Variants in TJP1 observed in about 807,000 individuals in gnomAD.
TJP1 encodes the protein tight junction protein ZO-1.
Under a neutral mutation model 194.2 loss-of-function variants are expected in TJP1, and 43 were observed. That is an observed-to-expected ratio of 0.22 (90% CI 0.17 to 0.29). The LOEUF (loss-of-function observed/expected upper bound fraction) is 0.29. Among genes scored for constraint, TJP1 ranks in the 10% least tolerant of loss-of-function variants. The probability of loss-of-function intolerance (pLI) is 1.00; values close to 1 mark genes in which losing one functional copy is unlikely to be tolerated. For synonymous variants in TJP1, 801 were observed against 779.0 expected (o/e 1.03, Z -0.47); for missense variants, 1,971 against 2,185.7 (o/e 0.90, Z 1.96).
Position 29,708,996 on chromosome 15 carries a change from G to A in TJP1, c.4413C>T (p.Ser1471=). ...TCTGAGATGGAGGTGGGTCTGGTTT[G>A]GACACTAAGGAATTCTGAAAATCCA... ...VSLDFQNSLV[S]KPDPPPSQNK... Residue 1471 remains serine (S), a synonymous_variant, in exon 25 of 28, where the codon TCC becomes TCT. Transcript: ENST00000614355. The A allele has an allele frequency of 6.2e-7, 1 of 1,613,358 alleles. No individual in the cohort carries two copies. The highest frequency in any genetic ancestry group is 1.3e-5 in the African/African-American group (1 of 74,966).
chr15:29,738,527 GTA>G (rs1258715064), intron 10 of TJP1, among the ~76,000 whole-genome samples: 3 of 152,050 alleles, frequency 2.0e-5, no homozygotes, highest in African/African-American at 7.2e-5. Flanking sequence ...AGTCATAAAA[GTA>G]AGAGCCTGAG....
intron 2 of TJP1, among the ~76,000 whole-genome samples, chr15:29,785,387 T>C (rs1391919706): frequency 6.6e-6 from 1 of 152,224 alleles, no homozygotes; most frequent in Non-Finnish European, 1.5e-5. Flanking sequence ...GCTTTTGCAC[T>C]GAACAGTTCC....
At chr15:29,949,634 A>ACCT (rs2055535738) in intron 2 of TJP1, among the ~76,000 whole-genome samples, 1 of 92,730 alleles carries the variant, frequency 1.1e-5, no homozygotes, top group Non-Finnish European at 2.1e-5. Context: ...CTCCACCTCC[A>ACCT]CCACCTCCAC....
intron 21 of TJP1, 32 bp downstream of exon 21, chr15:29,718,234 C>T: frequency 6.2e-7 from 1 of 1,601,664 alleles, no homozygotes; most frequent in Non-Finnish European, 8.5e-7. Context: ...AACGGTGTGC[C>T]CATGCATCCA....
chr15:29,890,266 C>T (rs903749899), intron 2 of TJP1, among the ~76,000 whole-genome samples: 20 of 152,206 alleles, frequency 1.3e-4, no homozygotes, highest in Admixed American at 5.2e-4. Flanking sequence ...GATTGTTATA[C>T]ATAATTTGAA....
intron 1 of TJP1, among the ~76,000 whole-genome samples, chr15:29,809,473 T>C (rs2049335829): frequency 6.6e-6 from 1 of 152,162 alleles, no homozygotes. Context: ...ATGGGGGACC[T>C]CATATGCCTA....
intron 2 of TJP1, among the ~76,000 whole-genome samples, chr15:29,930,889 T>C (rs1287400105): frequency 6.6e-6 from 1 of 152,160 alleles, no homozygotes. Context: ...GAAAATACAA[T>C]AGTCAGTTAC....
At position 29,705,760 on chromosome 15, in the gene TJP1, A is replaced by T. The variant is rs369955523; in HGVS notation, c.4851-15T>A. The T allele has an allele frequency of 6.2e-6, 10 of 1,612,070 alleles. No individual in the cohort carries two copies. In the African/African-American group the frequency reaches 1.3e-4, roughly 22 times the overall value. On this transcript the variant is annotated splice_polypyrimidine_tract_variant and intron_variant, in intron 25 of 27. Transcript: ENST00000614355. ...CAGCTGAAGGACTGAAAGTTCAGAA[A>T]TGGCTAGTGAGTGAATTCCTAATAA...
rs2050416634 is a variant in TJP1, at chr15:29,822,035, T to C, written c.-7A>G. The stretch of plus-strand genomic sequence containing the variant: ...CCGCAGCTCTGGCGGACATCTTGTC[T>C]CTCTCCAGCGCCGCGCGAGGCTCCT... On this transcript the variant is annotated 5_prime_UTR_variant, in exon 1 of 28. Transcript: ENST00000614355. The C allele has an allele frequency of 3.0e-6, 4 of 1,348,444 alleles. No homozygotes were observed. The highest frequency in any genetic ancestry group is 3.8e-6 in the Non-Finnish European group (4 of 1,046,802). 83.5% of individuals were successfully genotyped at this position (1,348,444 alleles called of 1,614,324 possible). A position where few individuals can be genotyped will look rare whatever the true frequency, so the allele number is the denominator to read the frequency against.
chr15:29,820,688 C>A, intron 1 of TJP1: 3 of 604,110 alleles, frequency 5.0e-6, no homozygotes, highest in South Asian at 2.1e-5. Flanking sequence ...GGAAAGAAAG[C>A]CCCAGAAAAG....
chr15:29,908,859 A>G (rs1393401317), intron 2 of TJP1, among the ~76,000 whole-genome samples: 1 of 152,028 alleles, frequency 6.6e-6, no homozygotes, highest in Non-Finnish European at 1.5e-5. Context: ...TCCCTACTAA[A>G]TATAGAAAAA....
chr15:29,949,593 CAA>C (rs2055520289), intron 2 of TJP1, among the ~76,000 whole-genome samples: 2 of 124,968 alleles, frequency 1.6e-5, no homozygotes, highest in African/African-American at 2.9e-5. Flanking sequence ...TCCACCTCCA[CAA>C]CCACCACCTC....
chr15:29,702,447 G>A (rs1369953994), intron 27 of TJP1, among the ~76,000 whole-genome samples: 1 of 152,220 alleles, frequency 6.6e-6, no homozygotes, highest in Non-Finnish European at 1.5e-5. Context: ...TGGTGTCCAA[G>A]CAAGCTGAGA....
rs1041976806 is a variant in TJP1, at chr15:29,857,943, C to T, written c.307-57241G>A. On this transcript the variant is annotated intron_variant, in intron 2 of 28. Coordinates refer to the TJP1 transcript ENST00000356107. ...TGCCTGGCTAATTTTTTGTATTTTT[C>T]GTAGAGACGGGGCTTCACCATGTTG... Among the ~76,000 whole-genome samples, 5 of 152,080 alleles carry T rather than the reference C, an allele frequency of 3.3e-5. No individual in the cohort carries two copies. In the South Asian group the frequency reaches 1.0e-3, roughly 32 times the overall value.
chr15:29,844,527 G>C (rs1451599258), intron 2 of TJP1, among the ~76,000 whole-genome samples: 1 of 152,178 alleles, frequency 6.6e-6, no homozygotes, highest in Non-Finnish European at 1.5e-5. Context: ...CTGGACTCCA[G>C]ACACATGGTG....
intron 2 of TJP1, 106 bp from the exon 3 acceptor site, chr15:29,773,463 A>G (rs1435308031): frequency 6.2e-6 from 7 of 1,122,504 alleles, no homozygotes; most frequent in East Asian, 2.5e-5. Flanking sequence ...CAATCTTAAT[A>G]TATCTGTGAT....
intron 2 of TJP1, among the ~76,000 whole-genome samples, chr15:29,949,524 C>T (rs1333034795): frequency 3.0e-4 from 43 of 143,616 alleles, no homozygotes; most frequent in African/African-American, 5.9e-4. Flanking sequence ...ACCTCCACCA[C>T]CACCACCTCC....
chr15:29,760,979 C>T (rs1052397844), intron 8 of TJP1, among the ~76,000 whole-genome samples, 160 bp downstream of exon 8: 1 of 152,024 alleles, frequency 6.6e-6, no homozygotes, highest in African/African-American at 2.4e-5. Context: ...GGAAAGTTTG[C>T]GGTTATTTTA....
At chr15:29,756,946 CTT>C (rs2045679379) in intron 8 of TJP1, among the ~76,000 whole-genome samples, 1 of 152,168 alleles carries the variant, frequency 6.6e-6, no homozygotes, top group Admixed American at 6.5e-5. Flanking sequence ...GAAATTCTAA[CTT>C]ATGATACTAT....
Sources: allele counts gnomAD v4.1 joint callset (sites outside exome capture counted in the v4.1 genomes callset), GRCh38; gene constraint gnomAD v4.1.1; transcripts MANE v1.5; gene names NCBI Gene and HGNC (gene_info 2026-07-23, HGNC 2026-07-21).